TECR: variants seen among roughly 807,000 people sequenced by gnomAD.
TECR encodes very-long-chain enoyl-CoA reductase.
Under a neutral mutation model 50.6 loss-of-function variants are expected in TECR, and 19 were observed. That is an observed-to-expected ratio of 0.38 (90% CI 0.26 to 0.55). The LOEUF (loss-of-function observed/expected upper bound fraction) is 0.55. TECR is among the 20% of genes least tolerant of loss of function. The pLI is 0.79. For missense variants in TECR, 313 were observed against 408.3 expected, an observed-to-expected ratio of 0.77 and a Z score of 2.01; for synonymous variants, 168 against 163.5, an observed-to-expected ratio of 1.03 and a Z score of -0.21.
intron 1 of TECR, among the ~76,000 whole-genome samples, chr19:14,560,531 TG>T (rs2073871546): frequency 6.6e-6 from 1 of 152,232 alleles, no homozygotes; most frequent in Non-Finnish European, 1.5e-5. Context: ...ATCCCCTTGG[TG>T]GGGCCCAACG....
chr19:14,542,766 C>T (rs1046965578), intron 1 of TECR, among the ~76,000 whole-genome samples: 1 of 152,034 alleles, frequency 6.6e-6, no homozygotes, highest in East Asian at 1.9e-4. Flanking sequence ...CGACTCACCC[C>T]AGTTACATGG....
At chr19:14,553,076 C>T (rs1263240271) in intron 1 of TECR, among the ~76,000 whole-genome samples, 2 of 152,070 alleles carry the variant, frequency 1.3e-5, no homozygotes, top group African/African-American at 4.8e-5. Flanking sequence ...CTCCAACTTC[C>T]CACTGTGTTT....
upstream of TECR, chr19:14,529,432 C>T: frequency 1.6e-6 from 1 of 618,206 alleles, no homozygotes; most frequent in Non-Finnish European, 2.9e-6. Context: ...GCGTTCCGCC[C>T]CCTTCGATTG....
chr19:14,538,959 C>T (rs1486331351), intron 1 of TECR, among the ~76,000 whole-genome samples: 2 of 151,320 alleles, frequency 1.3e-5, no homozygotes, highest in African/African-American at 4.9e-5. Context: ...TATAATGTCA[C>T]ACACCATGCA....
chr19:14,552,849 A>G (rs926545715), intron 1 of TECR, among the ~76,000 whole-genome samples: 2 of 152,002 alleles, frequency 1.3e-5, no homozygotes, highest in Non-Finnish European at 2.9e-5. Context: ...TCTTTTTCTT[A>G]TAGGGCCTGG....
intron 1 of TECR, chr19:14,562,220 T>A (rs1178266023): frequency 1.7e-6 from 1 of 601,438 alleles, no homozygotes; most frequent in East Asian, 2.7e-5. Context: ...GGCACAGAAG[T>A]CGGCAGTGCC....
intron 1 of TECR, among the ~76,000 whole-genome samples, chr19:14,551,297 A>G (rs1203798381): frequency 6.6e-6 from 1 of 150,856 alleles, no homozygotes; most frequent in African/African-American, 2.4e-5. Flanking sequence ...CTACTCTCGA[A>G]CTCCTGACCT....
rs952139465 is a variant in TECR at position 14,562,493 on chromosome 19, A to G, written c.16-32A>G. 3.7e-6 allele frequency: 6 copies of G among 1,614,056 alleles called. No individual in the cohort carries two copies. The African/African-American group carries it at 6.7e-5, about 18-fold the overall frequency. ...AGGCCCACACCCCCAAAGGTGGCCA[A>G]GAAACCTAAAAAGGCTGTTCTCTTC... On this transcript the variant is annotated intron_variant, in intron 1 of 12. Coordinates refer to ENST00000215567, the MANE Select transcript of TECR (RefSeq NM_138501.6).
Position 14,529,619 on chromosome 19 carries a change from G to T in TECR, c.-78G>T, listed in dbSNP as rs770226681. Reference sequence around the variant, plus strand: ...GTTTAGTCTATCGCTGCGGTTGCGAGCGCTGTAGGGAGCCTGTGCTGTGCC... The same window carrying T: ...GTTTAGTCTATCGCTGCGGTTGCGATCGCTGTAGGGAGCCTGTGCTGTGCC... On this transcript the variant is annotated 5_prime_UTR_variant, in exon 1 of 13. Transcript: ENST00000215567. 1.9e-6 allele frequency: 3 copies of T among 1,609,416 alleles called. No individual in the cohort carries two copies. Among genetic ancestry groups the T allele is most frequent in the South Asian group, 2.2e-5 (2 of 90,986 alleles).
chr19:14,542,347 G>GGTTTTTTTTTTTTTTTTTTTTT (rs2073124658), intron 1 of TECR, among the ~76,000 whole-genome samples: 1 of 43,282 alleles, frequency 2.3e-5, no homozygotes, highest in African/African-American at 8.1e-5. Flanking sequence ...ATGCCATAGT[G>GGTTTTTTTTTTTTTTTTTTTTT]TTTTTTTTTT....
intron 1 of TECR, among the ~76,000 whole-genome samples, chr19:14,542,013 C>T (rs964284139): frequency 6.6e-6 from 1 of 152,094 alleles, no homozygotes; most frequent in Non-Finnish European, 1.5e-5. Context: ...GAACTCCTGA[C>T]CTCAAGTGAT....
intron 1 of TECR, among the ~76,000 whole-genome samples, chr19:14,559,364 C>G (rs2073838546): frequency 6.6e-6 from 1 of 152,114 alleles, no homozygotes; most frequent in Non-Finnish European, 1.5e-5. Flanking sequence ...CCTGGCCCCT[C>G]CAATTTGCTT....
At chr19:14,556,897 G>A (rs931876962) in intron 1 of TECR, among the ~76,000 whole-genome samples, 14 of 152,020 alleles carry the variant, frequency 9.2e-5, no homozygotes, top group African/African-American at 3.1e-4. Context: ...GGGTCAGCTC[G>A]GCCTCTGCAC....
chr19:14,545,315 C>A (rs1195848914), intron 1 of TECR: 4 of 410,878 alleles, frequency 9.7e-6, no homozygotes, highest in Non-Finnish European at 2.0e-5. Flanking sequence ...CCTTTGCATT[C>A]CCCGCCAGGG....
At chr19:14,550,559 T>A (rs964588099) in intron 1 of TECR, among the ~76,000 whole-genome samples, 2 of 152,152 alleles carry the variant, frequency 1.3e-5, no homozygotes, top group Non-Finnish European at 2.9e-5. Context: ...GCCACCCAGC[T>A]GTGGGTGCAG....
At chr19:14,541,980 C>T (rs1315627810) in intron 1 of TECR, among the ~76,000 whole-genome samples, 3 of 152,166 alleles carry the variant, frequency 2.0e-5, no homozygotes, top group African/African-American at 7.2e-5. Flanking sequence ...GACCGGGTTT[C>T]ACATGTTGGC....
chr19:14,543,403 A>ATTTTTT (rs2073171796), intron 1 of TECR, among the ~76,000 whole-genome samples: 1 of 9,792 alleles, frequency 1.0e-4, no homozygotes, highest in Non-Finnish European at 2.9e-4. Context: ...ATATATATAT[A>ATTTTTT]TATATATATA....
intron 1 of TECR, among the ~76,000 whole-genome samples, chr19:14,534,570 T>TTA (rs1446704784): frequency 1.3e-5 from 2 of 150,240 alleles, no homozygotes; most frequent in Admixed American, 1.3e-4. Flanking sequence ...CAAGTAGCTG[T>TTA]TATTACAGGT....
chr19:14,559,743 C>G (rs923339906), intron 1 of TECR, among the ~76,000 whole-genome samples: 7 of 151,282 alleles, frequency 4.6e-5, no homozygotes, highest in African/African-American at 1.7e-4. Context: ...GTCAAGATCG[C>G]ACTGCTGCAC....
Sources: allele counts gnomAD v4.1 joint callset (sites outside exome capture counted in the v4.1 genomes callset), GRCh38; gene constraint gnomAD v4.1.1; transcripts MANE v1.5; gene names NCBI Gene and HGNC (gene_info 2026-07-23, HGNC 2026-07-21).